Variants in KIF20B observed in about 807,000 individuals in gnomAD.
KIF20B encodes kinesin family member 20B.
In KIF20B, 188 loss-of-function variants were observed where a neutral mutation model predicts 232.5. The ratio of observed to expected loss-of-function variants is 0.81; its 90% CI spans 0.72 to 0.91. The LOEUF (loss-of-function observed/expected upper bound fraction) is 0.91, where lower values mean the gene tolerates loss of function less well. Ranked by LOEUF, KIF20B falls within the 40% of genes least tolerant of loss-of-function variation. The pLI, the probability that KIF20B is intolerant of heterozygous loss-of-function variation, is 0.00. For missense variants in KIF20B, 2,154 were observed against 2,055.9 expected (o/e 1.05, Z -0.92); for synonymous variants, 712 against 683.0 (o/e 1.04, Z -0.66).
intron 17 of KIF20B, 104 bp downstream of exon 17, chr10:89,728,000 A>G: frequency 2.8e-6 from 3 of 1,056,216 alleles, no homozygotes; most frequent in Non-Finnish European, 3.9e-6. Flanking sequence ...AAACAGTAAT[A>G]TAGTCTCTTG....
At chr10:89,756,491 T>A (rs1842120441) in intron 26 of KIF20B, among the ~76,000 whole-genome samples, 1 of 152,238 alleles carries the variant, frequency 6.6e-6, no homozygotes, top group Non-Finnish European at 1.5e-5. Context: ...ATACTTAGGT[T>A]GTGTATGTGT....
At position 89,751,433 on chromosome 10, in the gene KIF20B, T is replaced by A; in HGVS notation, c.4184T>A (p.Leu1395His). Residue 1395 changes from leucine to histidine, a missense_variant, in exon 24 of 33, where the codon CTT becomes CAT. Coordinates refer to ENST00000371728, the MANE Select transcript of KIF20B (RefSeq NM_001284259.2). ...ACTCAGGTAGAACAGGATCAAGTGCTTGAGGCTAAATTAGAGGAAGTTGAA... is the reference window on the plus strand; with the variant it reads ...ACTCAGGTAGAACAGGATCAAGTGCATGAGGCTAAATTAGAGGAAGTTGAA... ...EQTQVEQDQV[L>H]EAKLEEVERL... is the part of the protein sequence containing the mutation. The A allele has an allele frequency of 6.2e-7, 1 of 1,609,770 alleles. No individual in the cohort carries two copies. The highest frequency in any genetic ancestry group is 8.5e-7 in the Non-Finnish European group (1 of 1,178,108).
chr10:89,743,104 G>T (rs1490081348), intron 21 of KIF20B, among the ~76,000 whole-genome samples: 1 of 152,144 alleles, frequency 6.6e-6, no homozygotes, highest in African/African-American at 2.4e-5. Context: ...CTCCACAAGG[G>T]AATAGAAGAG....
intron 19 of KIF20B, among the ~76,000 whole-genome samples, chr10:89,736,230 AG>A (rs1439954240): frequency 6.6e-6 from 1 of 152,204 alleles, no homozygotes; most frequent in Non-Finnish European, 1.5e-5. Flanking sequence ...TTTTGAAGTA[AG>A]GTTTCGAGGA....
chr10:89,749,910 G>C (rs183329705), intron 23 of KIF20B, among the ~76,000 whole-genome samples: 1 of 152,108 alleles, frequency 6.6e-6, no homozygotes, highest in African/African-American at 2.4e-5. Flanking sequence ...TGCAGCACTT[G>C]ATTGCTTGTT....
chr10:89,710,454 C>T (rs1842813925), intron 5 of KIF20B, among the ~76,000 whole-genome samples: 1 of 152,130 alleles, frequency 6.6e-6, no homozygotes, highest in South Asian at 2.1e-4. Flanking sequence ...GTCTCGAACT[C>T]CTGACCTCAG....
intron 13 of KIF20B, among the ~76,000 whole-genome samples, chr10:89,721,536 G>C (rs1843056518): frequency 6.6e-6 from 1 of 152,120 alleles, no homozygotes; most frequent in Admixed American, 6.5e-5. Flanking sequence ...TAGGCATGAT[G>C]ATGCACAGGT....
At chr10:89,735,529 A>G (rs1326689290) in intron 19 of KIF20B, among the ~76,000 whole-genome samples, 1 of 144,360 alleles carries the variant, frequency 6.9e-6, no homozygotes, top group Non-Finnish European at 1.5e-5. Context: ...GGAAAGTAGT[A>G]AGTGTCTTTT....
intron 1 of KIF20B, among the ~76,000 whole-genome samples, chr10:89,703,610 A>G (rs1344146993): frequency 6.6e-6 from 1 of 152,028 alleles, no homozygotes; most frequent in Non-Finnish European, 1.5e-5. Flanking sequence ...CCCGGGTTTT[A>G]TGTGTCTGGC....
Position 89,716,434 on chromosome 10 carries a change from A to C in KIF20B, c.941-2A>C, listed in dbSNP as rs1186257442. Reference sequence around the variant, plus strand: ...AATATATATCCTCTTTATTTTTTAAAGATCTACAATGGATTCAAGTATCTG... The same window carrying C: ...AATATATATCCTCTTTATTTTTTAACGATCTACAATGGATTCAAGTATCTG... On this transcript the variant is annotated splice_acceptor_variant, in intron 8 of 32. Coordinates refer to ENST00000371728, the MANE Select transcript of KIF20B (RefSeq NM_001284259.2). LOFTEE classifies it high-confidence loss of function. 7.9e-7 allele frequency: 1 copy of C among 1,267,352 alleles called. No individual in the cohort carries two copies. Among genetic ancestry groups the C allele is most frequent in the Non-Finnish European group, 1.1e-6 (1 of 892,066 alleles). The allele number at this position is 1,267,352 out of a possible 1,614,324, so 78.5% of individuals were successfully genotyped here.
In KIF20B at chr10:89,709,371, G is replaced by C. The variant is rs1314221873; in HGVS notation, c.261G>C (p.Gln87His). Reference protein sequence around the residue: ...SEGCVHILDSQTVVLKEPQCI... With the variant: ...SEGCVHILDSHTVVLKEPQCI... Reference sequence around the variant, plus strand: ...GCTGTGTGCATATTCTGGATTCACAGACTGTTGTGCTGAAAGAGCCTCAAT... The same window carrying C: ...GCTGTGTGCATATTCTGGATTCACACACTGTTGTGCTGAAAGAGCCTCAAT... Residue 87 changes from glutamine (Q) to histidine (H), a missense_variant, in exon 4 of 33, where the codon CAG becomes CAC. Coordinates refer to ENST00000371728, the MANE Select transcript of KIF20B (RefSeq NM_001284259.2). The C allele has an allele frequency of 5.6e-6, 9 of 1,613,264 alleles. No homozygotes were observed. The highest frequency in any genetic ancestry group is 7.6e-6 in the Non-Finnish European group (9 of 1,179,620).
At chr10:89,715,572 T>TC (rs1200291557) in intron 8 of KIF20B, among the ~76,000 whole-genome samples, 2 of 152,184 alleles carry the variant, frequency 1.3e-5, no homozygotes, top group African/African-American at 4.8e-5. Flanking sequence ...ATTAATAACA[T>TC]CATGATTCAG....
In KIF20B at chr10:89,766,389, G is replaced by GGAGGAAATTCAAACCAAAGGC. The variant is rs1352093883; in HGVS notation, c.4990-1900_4990-1880dup. Reference sequence around the variant, plus strand: ...GACGATCAAACTACTCCGAGCTACAGGAGGAAATTCAAACCAAAGGCAAAG... The same window carrying GGAGGAAATTCAAACCAAAGGC: ...GACGATCAAACTACTCCGAGCTACAGGAGGAAATTCAAACCAAAGGCGAGGAAATTCAAACCAAAGGCAAAG... On this transcript the variant is annotated intron_variant, in intron 29 of 32. Coordinates refer to ENST00000371728, the MANE Select transcript of KIF20B (RefSeq NM_001284259.2). The GGAGGAAATTCAAACCAAAGGC allele has an allele frequency of 3.9e-5, 6 of 152,892 alleles. No individual in the cohort carries two copies. The East Asian group carries it at 9.6e-4, about 25-fold the overall frequency. The allele number at this position is 152,892 out of a possible 1,614,324, so 9.5% of individuals were successfully genotyped here. A position where few individuals can be genotyped will look rare whatever the true frequency, so the allele number is the denominator to read the frequency against.
At chr10:89,766,914 C>A (rs1293467818) in intron 29 of KIF20B, among the ~76,000 whole-genome samples, 1 of 151,184 alleles carries the variant, frequency 6.6e-6, no homozygotes, top group African/African-American at 2.4e-5. Flanking sequence ...TTGGCTTTTT[C>A]TTGATCCATT....
In KIF20B at chr10:89,724,103, A is replaced by C. The variant is rs778094059; in HGVS notation, c.1862A>C (p.Lys621Thr). The C allele has an allele frequency of 2.1e-5, 31 of 1,483,454 alleles. No homozygotes were observed. Among genetic ancestry groups the C allele is most frequent in the Non-Finnish European group, 2.7e-5 (30 of 1,121,148 alleles). 91.9% of individuals were successfully genotyped at this position (1,483,454 alleles called of 1,614,324 possible). A position where few individuals can be genotyped will look rare whatever the true frequency, so the allele number is the denominator to read the frequency against. Residue 621 changes from lysine (K) to threonine (T), a missense_variant and splice_region_variant, in exon 14 of 33, where the codon AAG becomes ACG. Transcript: ENST00000371728. ...TGGGCTCAACGGGAAGCTGACTTTA[A>C]GTAAGTTATTTATTTCATGTCCAGG... ...QYWAQREADF[K>T]ETLLQEREIL...
Position 89,752,619 on chromosome 10 carries a change from A to C in KIF20B, c.4275A>C (p.Gln1425His). Residue 1425 changes from glutamine (Q) to histidine (H), a missense_variant, in exon 25 of 33, where the codon CAA (glutamine) becomes CAC (histidine). By Grantham distance (24) the Gln-to-His change is conservative. Transcript: ENST00000371728. ...KCNDLETKNNQRSNKEHENNT... is the reference protein window; with the variant it reads ...KCNDLETKNNHRSNKEHENNT... ...ATGATTTGGAAACCAAAAACAATCA[A>C]AGGTCAAATAAAGAACATGAGAACA... is the stretch of plus-strand genomic sequence containing the variant. 6.2e-7 allele frequency: 1 copy of C among 1,606,714 alleles called. No individual in the cohort carries two copies. The highest frequency in any genetic ancestry group is 8.5e-7 in the Non-Finnish European group (1 of 1,176,476).
intron 29 of KIF20B, among the ~76,000 whole-genome samples, chr10:89,764,560 G>A (rs1842314200): frequency 6.6e-6 from 1 of 152,132 alleles, no homozygotes; most frequent in South Asian, 2.1e-4. Flanking sequence ...AGCACCTGTT[G>A]TTCCCTGACT....
intron 11 of KIF20B, 43 bp from the exon 12 acceptor site, chr10:89,718,667 A>G (rs1178239275): frequency 2.0e-6 from 3 of 1,464,572 alleles, no homozygotes; most frequent in Non-Finnish European, 2.8e-6. Flanking sequence ...ATTTCATGAG[A>G]TGTTTTTTAA....
rs7090381 is a variant in KIF20B, at chr10:89,726,533, C to G, written c.2230+12C>G. On this transcript the variant is annotated intron_variant, in intron 16 of 32. Coordinates refer to ENST00000371728, the MANE Select transcript of KIF20B (RefSeq NM_001284259.2). ...AAAGAGAGAAAATGGTAAGTGGATA[C>G]ATTTTACTTTTATTTAGATATTGTA... 3.1e-3 allele frequency: 4,791 copies of G among 1,544,898 alleles called. 144 individuals are homozygous for G. In the African/African-American group the frequency reaches 0.058, roughly 19 times the overall value.
Sources: allele counts gnomAD v4.1 joint callset (sites outside exome capture counted in the v4.1 genomes callset), GRCh38; gene constraint gnomAD v4.1.1; transcripts MANE v1.5; gene names NCBI Gene and HGNC (gene_info 2026-07-23, HGNC 2026-07-21).